TRUB1: variants seen among roughly 807,000 people sequenced by gnomAD.
TRUB1 encodes pseudouridylate synthase TRUB1.
In TRUB1, 23 loss-of-function variants were observed where a neutral mutation model predicts 33.9. The ratio of observed to expected loss-of-function variants is 0.68; its 90% CI spans 0.49 to 0.96. The LOEUF (loss-of-function observed/expected upper bound fraction) is 0.96, where lower values mean the gene tolerates loss of function less well. Ranked by LOEUF, TRUB1 falls within the 40% of genes least tolerant of loss-of-function variation. The pLI is 0.00. For synonymous variants in TRUB1, 163 were observed against 165.4 expected (o/e 0.99, Z 0.11); for missense variants, 378 against 422.2 (o/e 0.90, Z 0.92).
chr10:114,939,446 C>T (rs1003346159), intron 1 of TRUB1, among the ~76,000 whole-genome samples: 2 of 151,850 alleles, frequency 1.3e-5, no homozygotes, highest in African/African-American at 2.4e-5. Flanking sequence ...ATTCAAGGCC[C>T]TCCAGAGTTT....
At chr10:114,957,526 G>A (rs1338918341) in intron 3 of TRUB1, among the ~76,000 whole-genome samples, 4 of 152,182 alleles carry the variant, frequency 2.6e-5, no homozygotes, top group Admixed American at 6.5e-5. Context: ...TTCTTTCTAT[G>A]TATGGAATTT....
chr10:114,956,034 G>C (rs1387968096), intron 3 of TRUB1, among the ~76,000 whole-genome samples: 1 of 152,178 alleles, frequency 6.6e-6, no homozygotes, highest in African/African-American at 2.4e-5. Context: ...CCAAGGAAAT[G>C]ATTGTGTGTA....
At chr10:114,961,432 A>AT (rs2084284857) in intron 4 of TRUB1, among the ~76,000 whole-genome samples, 1 of 152,208 alleles carries the variant, frequency 6.6e-6, no homozygotes, top group Admixed American at 6.5e-5. Context: ...AGTGTAATTC[A>AT]TTGAGGATGC....
At chr10:114,955,695 C>T (rs1055523370) in intron 3 of TRUB1, among the ~76,000 whole-genome samples, 1 of 152,178 alleles carries the variant, frequency 6.6e-6, no homozygotes, top group Non-Finnish European at 1.5e-5. Flanking sequence ...TAAAGTGTGG[C>T]TTGAGTAATG....
At chr10:114,943,823 CTGTT>C (rs1380731936) in intron 2 of TRUB1, among the ~76,000 whole-genome samples, 2 of 152,124 alleles carry the variant, frequency 1.3e-5, no homozygotes, top group East Asian at 1.9e-4. Flanking sequence ...GTAGAAGGCT[CTGTT>C]TGTCTGCCTA....
rs2084363253 is a variant in TRUB1 at position 114,976,807 on chromosome 10, A to G, written c.*1428A>G. The G allele has an allele frequency of 6.6e-6, 1 of 152,112 alleles. No homozygotes were observed. The highest frequency in any genetic ancestry group is 2.4e-5 in the African/African-American group (1 of 41,392). 9.4% of individuals were successfully genotyped at this position (152,112 alleles called of 1,614,324 possible). A position where few individuals can be genotyped will look rare whatever the true frequency, so the allele number is the denominator to read the frequency against. On this transcript the variant is annotated 3_prime_UTR_variant, in exon 8 of 8. Transcript: ENST00000298746. ...AAAACAATTCTTAGTATGAGACAAAACTGTAAGGAAAAAGAGTGTTAATAC... is the reference window on the plus strand; with the variant it reads ...AAAACAATTCTTAGTATGAGACAAAGCTGTAAGGAAAAAGAGTGTTAATAC...
chr10:114,953,057 G>A (rs1043405641), intron 3 of TRUB1, among the ~76,000 whole-genome samples: 3 of 151,870 alleles, frequency 2.0e-5, no homozygotes, highest in Admixed American at 6.6e-5. Flanking sequence ...TGAGATATTC[G>A]TTGTTCACCC....
intron 5 of TRUB1, 107 bp from the exon 6 acceptor site, chr10:114,972,028 T>G: frequency 1.5e-6 from 2 of 1,297,096 alleles, no homozygotes; most frequent in Admixed American, 2.6e-5. Context: ...CTGCCAGTCA[T>G]CCTTCCTTTC....
intron 1 of TRUB1, among the ~76,000 whole-genome samples, chr10:114,941,472 G>C (rs1299931756): frequency 1.3e-5 from 2 of 151,942 alleles, no homozygotes; most frequent in Non-Finnish European, 2.9e-5. Context: ...CCAGTAGCAA[G>C]GACTATAGGT....
At chr10:114,942,951 G>T (rs925621917) in intron 2 of TRUB1, among the ~76,000 whole-genome samples, 2 of 152,222 alleles carry the variant, frequency 1.3e-5, no homozygotes, top group Admixed American at 1.3e-4. Context: ...CTACTTTTAT[G>T]TGTGGATGGG....
intron 4 of TRUB1, among the ~76,000 whole-genome samples, chr10:114,962,818 C>T (rs973217496): frequency 5.9e-5 from 9 of 152,084 alleles, no homozygotes; most frequent in South Asian, 4.1e-4. Context: ...GTGTGGTATA[C>T]GGCATACAGA....
At chr10:114,973,394 T>A (rs1340625481) in intron 6 of TRUB1, among the ~76,000 whole-genome samples, 1 of 152,174 alleles carries the variant, frequency 6.6e-6, no homozygotes, top group Non-Finnish European at 1.5e-5. Flanking sequence ...TCAAGTCAAA[T>A]ATCACGCAAG....
intron 4 of TRUB1, among the ~76,000 whole-genome samples, chr10:114,965,443 A>G (rs560488078): frequency 1.3e-5 from 2 of 152,228 alleles, no homozygotes; most frequent in South Asian, 4.1e-4. Flanking sequence ...TATCCTTTAT[A>G]TAAATTGTTG....
chr10:114,947,098 G>A (rs900685438), intron 2 of TRUB1, among the ~76,000 whole-genome samples: 2 of 152,120 alleles, frequency 1.3e-5, no homozygotes, highest in African/African-American at 4.8e-5. Context: ...AGCAGAGGTT[G>A]GAGTAATGTG....
rs2084357394 is a variant in TRUB1 at position 114,975,695 on chromosome 10, A to G, written c.*316A>G. The G allele has an allele frequency of 5.7e-6, 1 of 174,774 alleles. No individual in the cohort carries two copies. The highest frequency in any genetic ancestry group is 2.4e-5 in the African/African-American group (1 of 42,398). The allele number at this position is 174,774 out of a possible 1,614,324, so 10.8% of individuals were successfully genotyped here. On this transcript the variant is annotated 3_prime_UTR_variant, in exon 8 of 8. Coordinates refer to ENST00000298746, the MANE Select transcript of TRUB1 (RefSeq NM_139169.5). Reference sequence around the variant, plus strand: ...GTCTTCAGTCTTGTGAAAAAGTTGAACAAATTTCCTAATCAAAGAAAAAAG... The same window carrying G: ...GTCTTCAGTCTTGTGAAAAAGTTGAGCAAATTTCCTAATCAAAGAAAAAAG...
At chr10:114,941,615 T>C (rs979452585) in intron 1 of TRUB1, among the ~76,000 whole-genome samples, 25 of 152,126 alleles carry the variant, frequency 1.6e-4, no homozygotes, top group African/African-American at 6.0e-4. Flanking sequence ...AGTGCTGGGA[T>C]TACAGGCATG....
In TRUB1 at chr10:114,975,167, CAG is replaced by C. The variant is rs1564702885; in HGVS notation, c.839_840del (p.Gln280ArgfsTer12). ...ANVLELTRTKQGPFTLEEHAL... is the reference protein window; with the variant it reads ...ANVLELTRTKXGPFTLEEHAL... ...TGTGCTAGAGCTGACCCGAACCAAA[CAG>C]GGACCATTTACGCTAGAAGAACATG... On this transcript the variant is annotated frameshift_variant, in exon 8 of 8. Coordinates refer to ENST00000298746, the MANE Select transcript of TRUB1 (RefSeq NM_139169.5). LOFTEE classifies it high-confidence loss of function. 6.2e-7 allele frequency: 1 copy of C among 1,613,526 alleles called. No homozygotes were observed. The highest frequency in any genetic ancestry group is 1.7e-5 in the Admixed American group (1 of 59,954).
In TRUB1 at chr10:114,959,719, C is replaced by T. The variant is rs569910886; in HGVS notation, c.442-7C>T. The T allele has an allele frequency of 1.4e-5, 22 of 1,591,536 alleles. No homozygotes were observed. The East Asian group carries it at 2.5e-4, about 18-fold the overall frequency. ...GCCCATTTTCTCTCTTGTTTCCCTT[C>T]CTCTAGAGATATACTGCCATTGGAG... On this transcript the variant is annotated splice_polypyrimidine_tract_variant and splice_region_variant and intron_variant, in intron 3 of 7. Coordinates refer to ENST00000298746, the MANE Select transcript of TRUB1 (RefSeq NM_139169.5).
chr10:114,971,728 T>C (rs2084337553), intron 5 of TRUB1, among the ~76,000 whole-genome samples: 1 of 152,198 alleles, frequency 6.6e-6, no homozygotes, highest in Non-Finnish European at 1.5e-5. Context: ...TAAAAATGAA[T>C]ATTATAGTAG....
Sources: allele counts gnomAD v4.1 joint callset (sites outside exome capture counted in the v4.1 genomes callset), GRCh38; gene constraint gnomAD v4.1.1; transcripts MANE v1.5; gene names NCBI Gene and HGNC (gene_info 2026-07-23, HGNC 2026-07-21).